SGCD: variants seen among roughly 807,000 people sequenced by gnomAD.
SGCD encodes the protein sarcoglycan delta.
In SGCD, 18 loss-of-function variants were observed where a neutral mutation model predicts 36.6. That is an observed-to-expected ratio of 0.49 (90% CI 0.34 to 0.73). SGCD has a LOEUF of 0.73. Ranked by LOEUF, SGCD falls within the 30% of genes least tolerant of loss-of-function variation. The probability of loss-of-function intolerance (pLI) is 0.01; values close to 1 mark genes in which losing one functional copy is unlikely to be tolerated. For synonymous variants in SGCD, 133 were observed against 130.6 expected (o/e 1.02, Z -0.12); for missense variants, 387 against 346.7 (o/e 1.12, Z -0.92).
chr5:156,274,809 C>T (rs79824001), intron 3 of SGCD, among the ~76,000 whole-genome samples: 3 of 152,264 alleles, frequency 2.0e-5, no homozygotes, highest in East Asian at 1.9e-4. Flanking sequence ...TTGCTGGTCA[C>T]GAAATCTCTT....
chr5:155,867,962 T>C (rs1755553528), upstream of SGCD, among the ~76,000 whole-genome samples: 1 of 152,180 alleles, frequency 6.6e-6, no homozygotes, highest in African/African-American at 2.4e-5. Flanking sequence ...TCCATCTTAA[T>C]GCAGCCTTAG....
At chr5:156,153,500 G>A (rs1487626301) in intron 3 of SGCD, among the ~76,000 whole-genome samples, 1 of 151,508 alleles carries the variant, frequency 6.6e-6, no homozygotes, top group Non-Finnish European at 1.5e-5. Flanking sequence ...GCTCTTTAAG[G>A]GATCAAATTT....
chr5:156,416,151 TGTA>T (rs1372212472), intron 3 of SGCD, among the ~76,000 whole-genome samples: 3 of 152,218 alleles, frequency 2.0e-5, no homozygotes, highest in Non-Finnish European at 4.4e-5. Flanking sequence ...ATAAAGGAAA[TGTA>T]GTATATATGT....
intron 4 of SGCD, among the ~76,000 whole-genome samples, chr5:156,549,336 T>C (rs1253518512): frequency 6.6e-6 from 1 of 152,182 alleles, no homozygotes; most frequent in Non-Finnish European, 1.5e-5. Flanking sequence ...AACATGGTGG[T>C]GTTTTATAGC....
chr5:156,255,266 G>A (rs1198044617), intron 3 of SGCD, among the ~76,000 whole-genome samples: 1 of 152,040 alleles, frequency 6.6e-6, no homozygotes, highest in Non-Finnish European at 1.5e-5. Context: ...TTGCATAATC[G>A]ATATAAACCC....
At chr5:155,918,738 C>T (rs1310631554) in intron 1 of SGCD, among the ~76,000 whole-genome samples, 1 of 152,162 alleles carries the variant, frequency 6.6e-6, no homozygotes, top group Non-Finnish European at 1.5e-5. Context: ...TTAGTGCCTG[C>T]CAATAGCCAT....
At chr5:156,721,085 T>C (rs767957769) in intron 7 of SGCD, among the ~76,000 whole-genome samples, 4 of 152,334 alleles carry the variant, frequency 2.6e-5, no homozygotes, top group South Asian at 2.1e-4. Flanking sequence ...AAAATGAGGC[T>C]GCACACAGCG....
chr5:156,193,505 T>C (rs1048281458), intron 3 of SGCD, among the ~76,000 whole-genome samples: 1 of 152,196 alleles, frequency 6.6e-6, no homozygotes, highest in Non-Finnish European at 1.5e-5. Context: ...AGCACATTCC[T>C]TCTGCACAGC....
intron 3 of SGCD, among the ~76,000 whole-genome samples, chr5:156,400,564 G>C (rs938170570): frequency 1.3e-5 from 2 of 152,188 alleles, no homozygotes; most frequent in African/African-American, 4.8e-5. Flanking sequence ...TAAAAAGAAA[G>C]ATCACCTACT....
At chr5:156,391,520 CA>C in intron 3 of SGCD, among the ~76,000 whole-genome samples, 2 of 152,276 alleles carry the variant, frequency 1.3e-5, no homozygotes, top group South Asian at 4.1e-4. Flanking sequence ...TGAACACATA[CA>C]GACTTTTTAC....
At chr5:155,917,544 T>C (rs899400092) in intron 1 of SGCD, among the ~76,000 whole-genome samples, 6 of 152,174 alleles carry the variant, frequency 3.9e-5, no homozygotes, top group Non-Finnish European at 7.4e-5. Flanking sequence ...AAATAAAACA[T>C]ACAGCCTAAC....
chr5:155,753,549 T>C, the SGCD span, among the ~76,000 whole-genome samples: 1 of 152,000 alleles, frequency 6.6e-6, no homozygotes, highest in Non-Finnish European at 1.5e-5. Flanking sequence ...GCAAACACAT[T>C]TTTTTTTCTG....
At chr5:156,148,878 C>T (rs1042064407) in intron 3 of SGCD, among the ~76,000 whole-genome samples, 3 of 152,252 alleles carry the variant, frequency 2.0e-5, no homozygotes, top group Admixed American at 6.5e-5. Flanking sequence ...GTTTCTTAAT[C>T]TAAAGTGGGC....
At chr5:156,616,333 C>G (rs1350780212) in intron 6 of SGCD, among the ~76,000 whole-genome samples, 2 of 152,144 alleles carry the variant, frequency 1.3e-5, no homozygotes, top group Non-Finnish European at 2.9e-5. Flanking sequence ...AGGTCATATT[C>G]CCACTGCTAG....
At chr5:156,070,816 A>G (rs1290460619) in intron 1 of SGCD, among the ~76,000 whole-genome samples, 2 of 152,078 alleles carry the variant, frequency 1.3e-5, no homozygotes, top group South Asian at 4.1e-4. Context: ...AAAGCCTGTT[A>G]TTGGTCTATT....
At chr5:156,104,821 C>A (rs1329864024) in intron 1 of SGCD, among the ~76,000 whole-genome samples, 2 of 152,192 alleles carry the variant, frequency 1.3e-5, no homozygotes, top group Admixed American at 6.5e-5. Context: ...CTTCTTAAAC[C>A]TTGGTTCCTT....
chr5:156,040,758 A>G (rs1327781686), intron 1 of SGCD, among the ~76,000 whole-genome samples: 2 of 152,098 alleles, frequency 1.3e-5, no homozygotes, highest in Non-Finnish European at 2.9e-5. Context: ...AACATTTTTC[A>G]TTATCTCTTA....
intron 1 of SGCD, among the ~76,000 whole-genome samples, chr5:156,094,126 G>T (rs182192601): frequency 5.3e-5 from 8 of 152,282 alleles, no homozygotes; most frequent in African/African-American, 1.7e-4. Context: ...TTTTATGGTG[G>T]GGACAAAGCA....
At chr5:156,205,046 G>GT (rs35584132) in intron 3 of SGCD, among the ~76,000 whole-genome samples, 7 of 152,076 alleles carry the variant, frequency 4.6e-5, no homozygotes, top group African/African-American at 7.2e-5. Context: ...CTGTTTTGCT[G>GT]TTTTTCTATA....
Sources: gnomAD v4.1 joint callset for allele counts (sites outside exome capture counted in the v4.1 genomes callset) on GRCh38, gnomAD v4.1.1 for gene constraint, MANE v1.5 for transcripts, NCBI Gene and HGNC (gene_info 2026-07-23, HGNC 2026-07-21) for gene names.